Variants in SPECC1L observed in about 807,000 individuals in gnomAD.
SPECC1L encodes cytospin-A.
In SPECC1L, 40 loss-of-function variants were observed where a neutral mutation model predicts 116.8. That is an observed-to-expected ratio of 0.34 (90% CI 0.27 to 0.45). The LOEUF (loss-of-function observed/expected upper bound fraction) is 0.45, where lower values mean the gene tolerates loss of function less well. SPECC1L is among the 20% of genes least tolerant of loss of function. The probability of loss-of-function intolerance (pLI) is 1.00; values close to 1 mark genes in which losing one functional copy is unlikely to be tolerated. For missense variants in SPECC1L, 1,110 were observed against 1,373.6 expected, an observed-to-expected ratio of 0.81 and a Z score of 3.03; for synonymous variants, 504 against 500.6, an observed-to-expected ratio of 1.01 and a Z score of -0.09.
At chr22:24,363,493 CTGGGATTA>C in intron 12 of SPECC1L, 149 bp downstream of exon 12, 1 of 746,574 alleles carries the variant, frequency 1.3e-6, no homozygotes, top group Non-Finnish European at 2.3e-6. Flanking sequence ...TTCCAAAGTG[CTGGGATTA>C]CAGGTGTGAG....
intron 2 of SPECC1L, among the ~76,000 whole-genome samples, chr22:24,279,743 C>T (rs960982399): frequency 4.6e-5 from 7 of 151,932 alleles, no homozygotes; most frequent in South Asian, 4.2e-4. Context: ...CCACCATGCC[C>T]GGCTAATTTT....
At chr22:24,347,257 C>A in intron 11 of SPECC1L, 81 bp downstream of exon 11, 1 of 1,049,896 alleles carries the variant, frequency 9.5e-7, no homozygotes, top group South Asian at 1.3e-5. Flanking sequence ...TAAATATTTT[C>A]TTTGCTCTTG....
intron 14 of SPECC1L, among the ~76,000 whole-genome samples, chr22:24,388,189 G>A (rs1183645737): frequency 3.3e-5 from 5 of 151,130 alleles, no homozygotes; most frequent in Middle Eastern, 3.4e-3. Context: ...CCATCAACTC[G>A]TCATTTAACA....
At chr22:24,337,771 C>T (rs559981094) in intron 9 of SPECC1L, among the ~76,000 whole-genome samples, 87 of 152,078 alleles carry the variant, frequency 5.7e-4, no homozygotes, top group African/African-American at 1.9e-3. Context: ...CAGCCTTTAC[C>T]AGAATCTGTG....
At chr22:24,288,108 G>A (rs2049078230) in intron 2 of SPECC1L, among the ~76,000 whole-genome samples, 1 of 152,164 alleles carries the variant, frequency 6.6e-6, no homozygotes, top group South Asian at 2.1e-4. Context: ...TGCCAGAACT[G>A]TGGCTTTCTC....
Position 24,414,622 on chromosome 22 carries a change from G to GAGC in SPECC1L, c.*1_*3dup, listed in dbSNP as rs761975677. ...GCGATCTACAAGTACTTTGAGACCTGAGCATGCCGGGAGGAGCCGCCCCAA... is the reference window on the plus strand; with the variant it reads ...GCGATCTACAAGTACTTTGAGACCTGAGCAGCATGCCGGGAGGAGCCGCCCCAA... On this transcript the variant is annotated inframe_insertion and stop_retained_variant, in exon 17 of 17. Transcript: ENST00000314328. 3 of 1,613,788 alleles carry GAGC rather than the reference G, an allele frequency of 1.9e-6. No homozygotes were observed. Among genetic ancestry groups the GAGC allele is most frequent in the East Asian group, 4.5e-5 (2 of 44,890 alleles).
intron 13 of SPECC1L, among the ~76,000 whole-genome samples, chr22:24,369,013 C>T (rs886772399): frequency 3.3e-5 from 5 of 152,178 alleles, no homozygotes; most frequent in Non-Finnish European, 7.3e-5. Flanking sequence ...TTTATAGAGT[C>T]CCTTTCTTCA....
intron 10 of SPECC1L, among the ~76,000 whole-genome samples, chr22:24,346,538 T>C (rs1284806910): frequency 8.5e-5 from 13 of 152,198 alleles, no homozygotes; most frequent in Non-Finnish European, 1.3e-4. Flanking sequence ...TTTACTGAAT[T>C]GGTTTGTGAT....
chr22:24,369,426 G>A (rs2041832829), intron 14 of SPECC1L, 106 bp downstream of exon 14: 1 of 831,976 alleles, frequency 1.2e-6, no homozygotes, highest in Non-Finnish European at 2.1e-6. Flanking sequence ...TCCTGACCTG[G>A]CATGGTGGAT....
At chr22:24,401,843 T>C (rs888358002) in intron 14 of SPECC1L, among the ~76,000 whole-genome samples, 3 of 152,180 alleles carry the variant, frequency 2.0e-5, no homozygotes, top group African/African-American at 7.2e-5. Flanking sequence ...AATGAATGTC[T>C]CTGGGGTGGG....
intron 6 of SPECC1L, among the ~76,000 whole-genome samples, chr22:24,325,114 T>C (rs1236268792): frequency 6.6e-6 from 1 of 152,190 alleles, no homozygotes; most frequent in Non-Finnish European, 1.5e-5. Context: ...AAAAATAACA[T>C]TGTAAAAATT....
At chr22:24,333,392 T>C (rs2040978394) in intron 8 of SPECC1L, among the ~76,000 whole-genome samples, 1 of 152,218 alleles carries the variant, frequency 6.6e-6, no homozygotes. Context: ...ATATGACATA[T>C]ACAAACTCTG....
intron 11 of SPECC1L, among the ~76,000 whole-genome samples, chr22:24,362,726 T>G (rs1237557710): frequency 1.3e-5 from 2 of 152,208 alleles, no homozygotes; most frequent in Non-Finnish European, 2.9e-5. Context: ...CTCTTTTCAG[T>G]AAGGCCCAGC....
In SPECC1L at chr22:24,414,856, A is replaced by C; in HGVS notation, c.*233A>C. ...TCCATTCAGGTCATGTGGGCTCAGC[A>C]CACATCCTGCAGGCCGGTGGCTGCT... On this transcript the variant is annotated 3_prime_UTR_variant, in exon 17 of 17. Coordinates refer to ENST00000314328, the MANE Select transcript of SPECC1L (RefSeq NM_015330.6). The C allele has an allele frequency of 1.8e-6, 1 of 563,780 alleles. No individual in the cohort carries two copies. The highest frequency in any genetic ancestry group is 3.2e-6 in the Non-Finnish European group (1 of 312,576). 34.9% of individuals were successfully genotyped at this position (563,780 alleles called of 1,614,324 possible). A position where few individuals can be genotyped will look rare whatever the true frequency, so the allele number is the denominator to read the frequency against.
chr22:24,325,579 A>AT (rs1569421891), intron 6 of SPECC1L, among the ~76,000 whole-genome samples: 100 of 145,600 alleles, frequency 6.9e-4, no homozygotes, highest in African/African-American at 2.4e-3. Context: ...TTATTTATTT[A>AT]TAAGAGGTGA....
At chr22:24,378,351 A>G (rs190909527) in intron 14 of SPECC1L, among the ~76,000 whole-genome samples, 164 of 152,332 alleles carry the variant, frequency 1.1e-3, no homozygotes, top group African/African-American at 3.8e-3. Flanking sequence ...AGCTGGTTTG[A>G]TCTTTTATTC....
chr22:24,278,619 C>CT (rs2048882350), intron 2 of SPECC1L, among the ~76,000 whole-genome samples: 1 of 152,084 alleles, frequency 6.6e-6, no homozygotes, highest in Non-Finnish European at 1.5e-5. Context: ...AGTTTATTTT[C>CT]CAATGGAGGG....
rs1291205789 is a variant in SPECC1L, at chr22:24,321,548, A to G, written c.568A>G (p.Thr190Ala). ...GGAGGCCAAAGTGAAGGATCTTCTC[A>G]CGCTGGCAAAAACCAAAGACGTAGA... ...ALEAKVKDLLTLAKTKDVEIL... is the reference protein window; with the variant it reads ...ALEAKVKDLLALAKTKDVEIL... The change falls in exon 5 of 17, where the codon ACG becomes GCG. Residue 190 changes from threonine to alanine, a missense_variant. Physicochemically the swap from Thr to Ala is moderately conservative, Grantham distance 58. This residue lies in a region of SPECC1L where 437 missense variants were observed against 482.6 expected (regional missense o/e 0.91). Transcript: ENST00000314328. 6.2e-7 allele frequency: 1 copy of G among 1,614,230 alleles called. No individual in the cohort carries two copies. The highest frequency in any genetic ancestry group is 1.1e-5 in the South Asian group (1 of 91,084).
Position 24,321,623 on chromosome 22 carries a change from A to G in SPECC1L, c.643A>G (p.Ile215Val). 6.2e-7 allele frequency: 1 copy of G among 1,614,264 alleles called. No homozygotes were observed. The highest frequency in any genetic ancestry group is 8.5e-7 in the Non-Finnish European group (1 of 1,180,044). Reference sequence around the variant, plus strand: ...GCGAGACATGCGTGCCCAGCTGGGCATTAATGAGGATCATTCTGAGGGTGA... The same window carrying G: ...GCGAGACATGCGTGCCCAGCTGGGCGTTAATGAGGATCATTCTGAGGGTGA... ...ELRDMRAQLG[I>V]NEDHSEGDEK... The change falls in exon 5 of 17, where the codon ATT (isoleucine) becomes GTT (valine). Residue 215 changes from isoleucine to valine, a missense_variant. Ile to Val is a conservative substitution (Grantham distance 29). Transcript: ENST00000314328.
Sources: gnomAD v4.1 joint callset for allele counts (sites outside exome capture counted in the v4.1 genomes callset) on GRCh38, gnomAD v4.1.1 for gene constraint, gnomAD v4.1.1 regional missense constraint, MANE v1.5 for transcripts, NCBI Gene and HGNC (gene_info 2026-07-23, HGNC 2026-07-21) for gene names.